The following ARHGAP15 variants were observed in gnomAD, a reference collection of about 807,000 sequenced individuals.
ARHGAP15 encodes Rho GTPase activating protein 15.
ARHGAP15 carries 51 observed loss-of-function variants against 63.7 expected under a neutral mutation model. The ratio of observed to expected loss-of-function variants is 0.80; its 90% CI spans 0.64 to 1.01. The LOEUF is 1.01. Ranked by LOEUF, ARHGAP15 falls within the 50% of genes least tolerant of loss-of-function variation. ARHGAP15 has a pLI of 0.00. For missense variants in ARHGAP15, 560 were observed against 564.6 expected, an observed-to-expected ratio of 0.99 and a Z score of 0.08; for synonymous variants, 191 against 193.8, an observed-to-expected ratio of 0.99 and a Z score of 0.12.
intron 13 of ARHGAP15, among the ~76,000 whole-genome samples, chr2:143,746,534 G>T (rs1170615239): frequency 6.6e-6 from 1 of 152,068 alleles, no homozygotes; most frequent in East Asian, 1.9e-4. Flanking sequence ...AGTCCCTTTT[G>T]GGTGAGAAAA....
At chr2:143,288,453 A>G (rs375937361) in intron 6 of ARHGAP15, among the ~76,000 whole-genome samples, 57 of 152,304 alleles carry the variant, frequency 3.7e-4, no homozygotes, top group African/African-American at 1.2e-3. Context: ...TTGAAAAAAA[A>G]TAGTGTTGCA....
At chr2:143,503,061 G>A (rs1693142733) in intron 9 of ARHGAP15, among the ~76,000 whole-genome samples, 1 of 152,242 alleles carries the variant, frequency 6.6e-6, no homozygotes, top group African/African-American at 2.4e-5. Context: ...GGTCTAGGAA[G>A]ACTCTGCTGG....
intron 2 of ARHGAP15, among the ~76,000 whole-genome samples, chr2:143,195,535 T>C (rs977640819): frequency 3.9e-5 from 6 of 152,122 alleles, no homozygotes; most frequent in African/African-American, 1.4e-4. Context: ...CTGATTGTAA[T>C]AGCTTTAAGA....
chr2:143,417,546 G>A (rs184217533), intron 6 of ARHGAP15, among the ~76,000 whole-genome samples: 13 of 152,210 alleles, frequency 8.5e-5, no homozygotes, highest in African/African-American at 3.1e-4. Context: ...TTTAATTGTT[G>A]CCACATTCTT....
intron 9 of ARHGAP15, among the ~76,000 whole-genome samples, chr2:143,516,690 G>A (rs1452549254): frequency 6.6e-6 from 1 of 152,086 alleles, no homozygotes; most frequent in East Asian, 1.9e-4. Flanking sequence ...TCTTCTTCCT[G>A]ACTGTAATCT....
intron 5 of ARHGAP15, among the ~76,000 whole-genome samples, chr2:143,232,513 A>G (rs1180557105): frequency 1.3e-5 from 2 of 152,218 alleles, no homozygotes; most frequent in South Asian, 2.1e-4. Flanking sequence ...ACTCACTTAA[A>G]ATATTATAAA....
chr2:143,168,214 A>AGGGT (rs1335318773), intron 2 of ARHGAP15, among the ~76,000 whole-genome samples: 1 of 151,672 alleles, frequency 6.6e-6, no homozygotes, highest in East Asian at 1.9e-4. Flanking sequence ...CTTGGGCTGG[A>AGGGT]GGGTAGTGGT....
chr2:143,265,366 A>G (rs575157678), intron 6 of ARHGAP15, among the ~76,000 whole-genome samples: 2 of 152,170 alleles, frequency 1.3e-5, no homozygotes, highest in Non-Finnish European at 1.5e-5. Flanking sequence ...AAATCTAAAC[A>G]TAGTCTAAAA....
At chr2:143,720,617 G>A (rs1296395395) in intron 13 of ARHGAP15, among the ~76,000 whole-genome samples, 1 of 152,138 alleles carries the variant, frequency 6.6e-6, no homozygotes, top group African/African-American at 2.4e-5. Context: ...TGAGGGCATC[G>A]AGGGGGTCAA....
At chr2:143,240,465 G>A (rs1263671854) in intron 5 of ARHGAP15, among the ~76,000 whole-genome samples, 3 of 152,120 alleles carry the variant, frequency 2.0e-5, no homozygotes, top group Admixed American at 1.3e-4. Context: ...TGTAGAGTGA[G>A]TATTGAGCCC....
At chr2:143,351,790 G>T (rs925609168) in intron 6 of ARHGAP15, among the ~76,000 whole-genome samples, 7 of 152,108 alleles carry the variant, frequency 4.6e-5, no homozygotes, top group South Asian at 4.2e-4. Flanking sequence ...AACTACTCTG[G>T]TACCCTGGAG....
intron 13 of ARHGAP15, among the ~76,000 whole-genome samples, chr2:143,736,682 A>T (rs1685758198): frequency 6.6e-6 from 1 of 152,222 alleles, no homozygotes; most frequent in Non-Finnish European, 1.5e-5. Flanking sequence ...TTCAAAAATT[A>T]ACAGTTACTA....
chr2:143,629,062 G>A (rs1318585318), intron 12 of ARHGAP15, among the ~76,000 whole-genome samples: 3 of 151,978 alleles, frequency 2.0e-5, no homozygotes, highest in Non-Finnish European at 4.4e-5. Context: ...TCTAGTACAA[G>A]CAATTAATGA....
chr2:143,648,827 T>A (rs935319776), intron 12 of ARHGAP15: 1 of 151,992 alleles, frequency 6.6e-6, no homozygotes, highest in Non-Finnish European at 1.5e-5. Flanking sequence ...CTCATAAAGA[T>A]GCAGTGTTAG....
intron 13 of ARHGAP15, among the ~76,000 whole-genome samples, chr2:143,714,268 C>T (rs1684711694): frequency 6.6e-6 from 1 of 152,228 alleles, no homozygotes; most frequent in South Asian, 2.1e-4. Context: ...GAAGCCACAG[C>T]CCAAACTCTA....
intron 6 of ARHGAP15, among the ~76,000 whole-genome samples, chr2:143,259,994 GA>G (rs1331275043): frequency 1.3e-5 from 2 of 152,138 alleles, no homozygotes; most frequent in Admixed American, 1.3e-4. Context: ...ATCTAAGCAT[GA>G]ATTTTTTTAA....
At chr2:143,577,596 G>A (rs2105135991) in intron 11 of ARHGAP15, among the ~76,000 whole-genome samples, 1 of 152,220 alleles carries the variant, frequency 6.6e-6, no homozygotes, top group African/African-American at 2.4e-5. Context: ...GCTTTGCATG[G>A]TTGTAAAATG....
At chr2:143,572,102 T>A (rs144814175) in intron 11 of ARHGAP15, 1,732 of 152,414 alleles carry the variant, frequency 0.011, 22 homozygotes, top group Non-Finnish European at 0.017. Flanking sequence ...TGTTAGATGC[T>A]GGAGACTGAG....
At chr2:143,421,554 T>C (rs1232690491) in intron 6 of ARHGAP15, among the ~76,000 whole-genome samples, 1 of 151,950 alleles carries the variant, frequency 6.6e-6, no homozygotes, top group African/African-American at 2.4e-5. Flanking sequence ...CCAGAGTTTT[T>C]CAAATTGCAA....
Sources: allele counts gnomAD v4.1 joint callset (sites outside exome capture counted in the v4.1 genomes callset), GRCh38; gene constraint gnomAD v4.1.1; transcripts MANE v1.5; gene names NCBI Gene and HGNC (gene_info 2026-07-23, HGNC 2026-07-21).